The following UNC13C variants were observed in gnomAD, a reference collection of about 807,000 sequenced individuals.
The protein encoded by UNC13C is unc-13 homolog C.
A neutral mutation model predicts 245.4 loss-of-function variants in UNC13C; 174 were observed. The ratio of observed to expected loss-of-function variants is 0.71; its 90% CI spans 0.63 to 0.80. The LOEUF is 0.80. Ranked by LOEUF, UNC13C falls within the 30% of genes least tolerant of loss-of-function variation. The pLI is 0.00. For synonymous variants in UNC13C, 992 were observed against 895.1 expected (o/e 1.11, Z -1.93); for missense variants, 2,829 against 2,602.9 (o/e 1.09, Z -1.89).
the UNC13C span, among the ~76,000 whole-genome samples, chr15:53,902,405 T>G: frequency 6.6e-6 from 1 of 152,144 alleles, no homozygotes; most frequent in Non-Finnish European, 1.5e-5. Flanking sequence ...AAGACTGATA[T>G]GGTCAGTAAG....
At chr15:54,318,661 A>G (rs1373122137) in intron 13 of UNC13C, among the ~76,000 whole-genome samples, 1 of 151,844 alleles carries the variant, frequency 6.6e-6, no homozygotes, top group African/African-American at 2.4e-5. Context: ...ATTTTGTTAC[A>G]GTTGATTACA....
chr15:54,116,960 A>G (rs1211175040), intron 2 of UNC13C, among the ~76,000 whole-genome samples: 1 of 152,066 alleles, frequency 6.6e-6, no homozygotes, highest in Non-Finnish European at 1.5e-5. Context: ...TTGATAAAAA[A>G]CTGTTTTAGC....
At chr15:53,852,578 T>G in the UNC13C span, among the ~76,000 whole-genome samples, 1 of 152,144 alleles carries the variant, frequency 6.6e-6, no homozygotes. Context: ...CTTCTGCCTC[T>G]CTGAAATCTG....
At chr15:54,454,609 C>T (rs902005746) in intron 19 of UNC13C, among the ~76,000 whole-genome samples, 2 of 151,298 alleles carry the variant, frequency 1.3e-5, no homozygotes, top group African/African-American at 4.9e-5. Context: ...TGCCCTTCCT[C>T]CAAGCCCCTG....
chr15:54,294,945 T>C (rs1430465646), intron 11 of UNC13C, among the ~76,000 whole-genome samples: 1 of 152,172 alleles, frequency 6.6e-6, no homozygotes, highest in African/African-American at 2.4e-5. Context: ...TCACATTGAA[T>C]TCACAAAACT....
chr15:54,214,444 G>C (rs985684571), intron 4 of UNC13C, among the ~76,000 whole-genome samples: 3 of 151,906 alleles, frequency 2.0e-5, no homozygotes, highest in Non-Finnish European at 2.9e-5. Flanking sequence ...AACTATATAA[G>C]AGGATGCAAG....
At chr15:54,237,224 C>G (rs1356110131) in intron 6 of UNC13C, among the ~76,000 whole-genome samples, 1 of 152,104 alleles carries the variant, frequency 6.6e-6, no homozygotes, top group Non-Finnish European at 1.5e-5. Context: ...AGGGCCATCA[C>G]CAAAGTCAGG....
At chr15:54,626,741 T>C in intron 32 of UNC13C, 87 bp from the exon 33 acceptor site, 5 of 1,157,154 alleles carry the variant, frequency 4.3e-6, no homozygotes, top group Non-Finnish European at 6.1e-6. Flanking sequence ...ATCCAATGTA[T>C]ACAGTTTTCA....
intron 10 of UNC13C, among the ~76,000 whole-genome samples, chr15:54,279,192 C>T (rs2035346511): frequency 6.6e-6 from 1 of 152,132 alleles, no homozygotes; most frequent in Non-Finnish European, 1.5e-5. Context: ...TCAAAAATTC[C>T]ATCTCTTTGC....
chr15:54,167,602 G>GAAAAAAAAAAAA (rs35210236), intron 4 of UNC13C, among the ~76,000 whole-genome samples: 20 of 63,572 alleles, frequency 3.1e-4, no homozygotes, highest in Non-Finnish European at 4.4e-4. Flanking sequence ...ATCCAAATAG[G>GAAAAAAAAAAAA]AAAAAAAAAA....
chr15:54,526,041 T>C (rs1477438035), intron 25 of UNC13C, among the ~76,000 whole-genome samples: 2 of 152,176 alleles, frequency 1.3e-5, no homozygotes, highest in African/African-American at 4.8e-5. Context: ...ATGAGTTGTA[T>C]TCATACCATG....
intron 19 of UNC13C, among the ~76,000 whole-genome samples, chr15:54,494,329 T>C (rs1239472427): frequency 6.6e-6 from 1 of 152,192 alleles, no homozygotes; most frequent in Non-Finnish European, 1.5e-5. Context: ...TTTAGTATGT[T>C]ATTACTCTGT....
At chr15:54,255,774 C>G (rs1036269425) in intron 8 of UNC13C, among the ~76,000 whole-genome samples, 9 of 152,176 alleles carry the variant, frequency 5.9e-5, no homozygotes, top group African/African-American at 1.9e-4. Flanking sequence ...AGCCAGAGAC[C>G]AAGCCCTTCC....
At chr15:54,292,931 G>GAT (rs1325771237) in intron 10 of UNC13C, among the ~76,000 whole-genome samples, 1 of 147,938 alleles carries the variant, frequency 6.8e-6, no homozygotes, top group Non-Finnish European at 1.5e-5. Context: ...TATAGAGATA[G>GAT]ATATCTATAT....
At chr15:54,452,889 G>A (rs1432448910) in intron 19 of UNC13C, among the ~76,000 whole-genome samples, 4 of 152,220 alleles carry the variant, frequency 2.6e-5, no homozygotes, top group African/African-American at 9.6e-5. Context: ...TAGAGTTGCT[G>A]CCAGTGGCTC....
intron 18 of UNC13C, among the ~76,000 whole-genome samples, chr15:54,412,342 T>G (rs753715244): frequency 1.5e-4 from 23 of 152,110 alleles, no homozygotes; most frequent in Non-Finnish European, 2.8e-4. Context: ...GCAAGCAGCT[T>G]CTTCACAAGG....
At chr15:54,097,204 T>G (rs2141147340) in intron 2 of UNC13C, among the ~76,000 whole-genome samples, 1 of 152,356 alleles carries the variant, frequency 6.6e-6, no homozygotes, top group Non-Finnish European at 1.5e-5. Flanking sequence ...TGTATTTGTC[T>G]AAGACAGTCA....
At chr15:54,155,583 T>A (rs2032708269) in intron 4 of UNC13C, among the ~76,000 whole-genome samples, 1 of 6,004 alleles carries the variant, frequency 1.7e-4, no homozygotes, top group Non-Finnish European at 1.7e-3. Context: ...TTATATTTAC[T>A]TCCACTTATT....
At chr15:54,005,444 C>T (rs1159535808) in intron 1 of UNC13C, among the ~76,000 whole-genome samples, 3 of 152,128 alleles carry the variant, frequency 2.0e-5, no homozygotes, top group Non-Finnish European at 4.4e-5. Flanking sequence ...CTCAGGCTCT[C>T]GTATTCTTCA....
Sources: allele counts gnomAD v4.1 joint callset (sites outside exome capture counted in the v4.1 genomes callset), GRCh38; gene constraint gnomAD v4.1.1; transcripts MANE v1.5; gene names NCBI Gene and HGNC (gene_info 2026-07-23, HGNC 2026-07-21).